The following RNLS variants were observed in gnomAD, a reference collection of about 807,000 sequenced individuals.
The protein encoded by RNLS is renalase.
Under a neutral mutation model 39.8 loss-of-function variants are expected in RNLS, and 39 were observed. That is an observed-to-expected ratio of 0.98 (90% confidence interval 0.76 to 1.28). The LOEUF (loss-of-function observed/expected upper bound fraction) is 1.28, where lower values mean the gene tolerates loss of function less well. Ranked by LOEUF, RNLS falls within the 50% of genes most tolerant of loss-of-function variation. RNLS has a pLI of 0.00. For synonymous variants in RNLS, 147 were observed against 150.7 expected, an observed-to-expected ratio of 0.98 and a Z score of 0.18; for missense variants, 410 against 413.3, an observed-to-expected ratio of 0.99 and a Z score of 0.07.
At chr10:88,393,888 G>T (rs989774996) in intron 4 of RNLS, among the ~76,000 whole-genome samples, 1 of 152,014 alleles carries the variant, frequency 6.6e-6, no homozygotes, top group East Asian at 1.9e-4. Context: ...AAATAATGCC[G>T]TATATCTACA....
intron 4 of RNLS, among the ~76,000 whole-genome samples, chr10:88,566,792 T>C (rs1222506913): frequency 6.6e-6 from 1 of 152,006 alleles, no homozygotes; most frequent in Non-Finnish European, 1.5e-5. Context: ...ATGAAACAAA[T>C]AAATCTTCCA....
At chr10:88,444,446 C>A (rs926517490) in intron 4 of RNLS, among the ~76,000 whole-genome samples, 1 of 152,174 alleles carries the variant, frequency 6.6e-6, no homozygotes, top group South Asian at 2.1e-4. Flanking sequence ...AGCTCCTCAC[C>A]AGCAACAGAA....
At chr10:88,250,533 T>A in the RNLS span, among the ~76,000 whole-genome samples, 1 of 152,352 alleles carries the variant, frequency 6.6e-6, no homozygotes, top group Non-Finnish European at 1.5e-5. Flanking sequence ...AAGGCCACCC[T>A]GTGCACAGCC....
intron 5 of RNLS, among the ~76,000 whole-genome samples, chr10:88,324,862 C>A (rs1277394020): frequency 1.3e-5 from 2 of 152,198 alleles, no homozygotes. Context: ...ATTAATTTGA[C>A]TACTCTAGGC....
intron 4 of RNLS, among the ~76,000 whole-genome samples, chr10:88,392,885 T>C (rs1589717360): frequency 6.6e-6 from 1 of 152,004 alleles, no homozygotes. Flanking sequence ...GTTCAACATA[T>C]GCAAATCAAT....
intron 4 of RNLS, among the ~76,000 whole-genome samples, chr10:88,520,923 G>A (rs545492811): frequency 3.9e-4 from 59 of 151,978 alleles, no homozygotes; most frequent in African/African-American, 1.4e-3. Context: ...AACCATCAAA[G>A]TCTTGGCTGG....
intron 4 of RNLS, among the ~76,000 whole-genome samples, chr10:88,517,700 C>A (rs1030694635): frequency 1.3e-5 from 2 of 151,826 alleles, no homozygotes; most frequent in African/African-American, 4.8e-5. Flanking sequence ...TTCGAAACTT[C>A]TCATAAACAC....
At chr10:88,259,369 G>C in the RNLS span, 1 of 152,176 alleles carries the variant, frequency 6.6e-6, no homozygotes, top group Non-Finnish European at 1.5e-5. Flanking sequence ...CAAACAAAAA[G>C]AAATGGGTTA....
chr10:88,558,915 G>T (rs1467762131), intron 4 of RNLS, among the ~76,000 whole-genome samples: 2 of 152,086 alleles, frequency 1.3e-5, no homozygotes, highest in Non-Finnish European at 2.9e-5. Flanking sequence ...ACCAGCTCGT[G>T]TCAGAAGTTT....
chr10:88,237,259 C>T, the RNLS span, among the ~76,000 whole-genome samples: 1 of 141,056 alleles, frequency 7.1e-6, no homozygotes, highest in African/African-American at 2.6e-5. Flanking sequence ...CCTTCCCTCC[C>T]TTTCTTCTTC....
At chr10:88,395,465 A>C (rs1220548356) in intron 4 of RNLS, among the ~76,000 whole-genome samples, 1 of 152,020 alleles carries the variant, frequency 6.6e-6, no homozygotes, top group African/African-American at 2.4e-5. Flanking sequence ...CAGAAGAAAA[A>C]ATTTTACTAG....
At chr10:88,236,009 G>A in the RNLS span, among the ~76,000 whole-genome samples, 6 of 152,112 alleles carry the variant, frequency 3.9e-5, no homozygotes, top group African/African-American at 1.4e-4. Context: ...GCTTGACTCT[G>A]ATCAATATCC....
intron 5 of RNLS, among the ~76,000 whole-genome samples, chr10:88,332,454 T>C (rs1437973821): frequency 6.6e-6 from 1 of 152,270 alleles, no homozygotes; most frequent in East Asian, 1.9e-4. Context: ...CTTGTTTTAC[T>C]TTCTTCCATA....
chr10:88,324,694 C>T (rs1175205491), intron 5 of RNLS, among the ~76,000 whole-genome samples: 1 of 152,160 alleles, frequency 6.6e-6, no homozygotes, highest in Non-Finnish European at 1.5e-5. Flanking sequence ...CAAATCTGCA[C>T]AGGTGCCACC....
chr10:88,309,518 C>CT, intron 6 of RNLS: 3 of 1,184,100 alleles, frequency 2.5e-6, no homozygotes, highest in Non-Finnish European at 3.4e-6. Flanking sequence ...CACATTTCCC[C>CT]TTTTCTCTCT....
intron 4 of RNLS, among the ~76,000 whole-genome samples, chr10:88,370,161 T>C (rs1008265003): frequency 6.6e-6 from 1 of 152,082 alleles, no homozygotes; most frequent in Non-Finnish European, 1.5e-5. Context: ...TAAAACCAAA[T>C]CCATGGGCCC....
chr10:88,560,021 A>G (rs1352853251), intron 4 of RNLS, among the ~76,000 whole-genome samples: 1 of 152,066 alleles, frequency 6.6e-6, no homozygotes, highest in Non-Finnish European at 1.5e-5. Flanking sequence ...ATATGTGATG[A>G]TCAAATCAGG....
intron 4 of RNLS, among the ~76,000 whole-genome samples, chr10:88,445,461 A>G (rs149724253): frequency 6.6e-6 from 1 of 152,224 alleles, no homozygotes; most frequent in Non-Finnish European, 1.5e-5. Context: ...ATTCACACAT[A>G]ACAATATTAA....
At chr10:88,175,770 ATTAAGT>A in the RNLS span, among the ~76,000 whole-genome samples, 1 of 152,190 alleles carries the variant, frequency 6.6e-6, no homozygotes, top group Non-Finnish European at 1.5e-5. Context: ...TTGGTCTACA[ATTAAGT>A]TTATGTTTAA....
Sources: allele counts gnomAD v4.1 joint callset (sites outside exome capture counted in the v4.1 genomes callset), GRCh38; gene constraint gnomAD v4.1.1; transcripts MANE v1.5; gene names NCBI Gene and HGNC (gene_info 2026-07-23, HGNC 2026-07-21).